The following FABP6 variants were observed in gnomAD, a reference collection of about 807,000 sequenced individuals.
FABP6 encodes gastrotropin.
A neutral mutation model predicts 14.9 loss-of-function variants in FABP6; 13 were observed. The observed-to-expected ratio is 0.87, with a 90% CI of 0.57 to 1.39. FABP6 has a LOEUF of 1.39. Among genes scored for constraint, FABP6 ranks in the 40% most tolerant of loss-of-function variants. The pLI is 0.00. For synonymous variants in FABP6, 75 were observed against 63.6 expected (o/e 1.18, Z -0.85); for missense variants, 161 against 167.2 (o/e 0.96, Z 0.20).
chr5:160,230,163 G>A (rs1220991684), intron 1 of FABP6, among the ~76,000 whole-genome samples: 6 of 151,636 alleles, frequency 4.0e-5, no homozygotes, highest in Non-Finnish European at 7.4e-5. Context: ...AATTACAGGC[G>A]TGAGCTGCCG....
chr5:160,189,322 A>G (rs1580892628), intron 1 of FABP6, among the ~76,000 whole-genome samples: 1 of 151,782 alleles, frequency 6.6e-6, no homozygotes, highest in Non-Finnish European at 1.5e-5. Flanking sequence ...GTTCACTGCA[A>G]CCTCCACTTC....
chr5:160,214,706 C>A (rs2113109722), intron 3 of FABP6, among the ~76,000 whole-genome samples: 1 of 151,832 alleles, frequency 6.6e-6, no homozygotes, highest in East Asian at 2.0e-4. Context: ...GTAATCCCAA[C>A]TCTTTGGGAG....
In FABP6 at chr5:160,199,017, T is replaced by C. The variant is rs866720028; in HGVS notation, c.-58-32T>C. 6 of 1,362,408 alleles carry C rather than the reference T, an allele frequency of 4.4e-6. No homozygotes were observed. In the African/African-American group the frequency reaches 5.7e-5, roughly 13 times the overall value. The allele number at this position is 1,362,408 out of a possible 1,614,324, so 84.4% of individuals were successfully genotyped here. ...ACAATGAGATGGTCTCCAGAGCCCC[T>C]CCCAGCGTGCTGGCTTTTTGTGTCA... On this transcript the variant is annotated intron_variant, in intron 1 of 6. Coordinates refer to the FABP6 transcript ENST00000393980.
chr5:160,193,328 C>A (rs6887142), intron 1 of FABP6, among the ~76,000 whole-genome samples: 1 of 151,808 alleles, frequency 6.6e-6, no homozygotes. Context: ...CAGACTTTCA[C>A]GGTAAGTGTT....
At chr5:160,213,923 G>A (rs1759951027) in intron 3 of FABP6, 5 of 920,130 alleles carry the variant, frequency 5.4e-6, no homozygotes. Context: ...GGCTCCTTGA[G>A]ATCCTTCTGC....
At chr5:160,222,095 C>CTTTTTTTTTTT (rs202190021) in intron 3 of FABP6, among the ~76,000 whole-genome samples, 2 of 130,340 alleles carry the variant, frequency 1.5e-5, no homozygotes, top group Non-Finnish European at 3.2e-5. Flanking sequence ...TTTTTCTTTT[C>CTTTTTTTTTTT]TTTTTTTTTT....
upstream of FABP6, among the ~76,000 whole-genome samples, chr5:160,224,570 G>T (rs1226501645): frequency 2.0e-5 from 3 of 152,134 alleles, no homozygotes; most frequent in Non-Finnish European, 4.4e-5. Flanking sequence ...CCAAAAGCTG[G>T]GTCTCTTGAG....
intron 1 of FABP6, among the ~76,000 whole-genome samples, chr5:160,192,706 A>C (rs1033933447): frequency 2.0e-5 from 3 of 152,224 alleles, no homozygotes; most frequent in Non-Finnish European, 4.4e-5. Context: ...GGGCAGAGAT[A>C]ATGTGCTTGT....
chr5:160,236,323 T>C (rs1051056006), intron 3 of FABP6, among the ~76,000 whole-genome samples: 7 of 152,148 alleles, frequency 4.6e-5, no homozygotes, highest in Middle Eastern at 3.2e-3. Context: ...GCCTTGTGTC[T>C]GTTGTTATGA....
chr5:160,233,531 A>G (rs531489610), intron 2 of FABP6, among the ~76,000 whole-genome samples: 69 of 152,206 alleles, frequency 4.5e-4, no homozygotes, highest in Non-Finnish European at 3.4e-4. Context: ...GTTGCCTGCC[A>G]CATAATGAAT....
At chr5:160,231,908 A>C (rs1760390051) in intron 1 of FABP6, 190 bp from the exon 2 acceptor site, 1 of 581,828 alleles carries the variant, frequency 1.7e-6, no homozygotes, top group Admixed American at 3.2e-5. Context: ...GCTCAGAGAG[A>C]TAGGGACTTT....
At chr5:160,214,318 C>G (rs973384410) in intron 3 of FABP6, among the ~76,000 whole-genome samples, 1 of 151,516 alleles carries the variant, frequency 6.6e-6, no homozygotes. Flanking sequence ...CACGTGCCAC[C>G]ATGCCTGGTT....
upstream of FABP6, chr5:160,228,744 C>T (rs1760305625): frequency 2.9e-6 from 1 of 345,538 alleles, no homozygotes; most frequent in South Asian, 2.2e-5. Context: ...GCATTATCTG[C>T]ACCCTTAGGA....
chr5:160,187,967 G>T (rs917880699), intron 1 of FABP6, among the ~76,000 whole-genome samples: 2 of 152,064 alleles, frequency 1.3e-5, no homozygotes, highest in Non-Finnish European at 2.9e-5. Flanking sequence ...GGTCAGGCTG[G>T]TCTAGAACTC....
chr5:160,219,272 G>A (rs1760081708), intron 3 of FABP6, among the ~76,000 whole-genome samples: 1 of 152,190 alleles, frequency 6.6e-6, no homozygotes, highest in African/African-American at 2.4e-5. Context: ...CCTTCTCCAG[G>A]CATTACTCTG....
intron 2 of FABP6, among the ~76,000 whole-genome samples, chr5:160,202,908 C>CT (rs199674913): frequency 3.7e-4 from 54 of 147,768 alleles, no homozygotes; most frequent in Middle Eastern, 3.5e-3. Flanking sequence ...AGAAGCTGGG[C>CT]TTTTTTTTTT....
At chr5:160,214,577 G>A (rs1307031216) in intron 3 of FABP6, among the ~76,000 whole-genome samples, 9 of 150,554 alleles carry the variant, frequency 6.0e-5, no homozygotes, top group African/African-American at 2.2e-4. Flanking sequence ...GCCACCCAAT[G>A]TGGCTGGCAT....
rs773006592 is a variant in FABP6, at chr5:160,232,136, A to T, written c.106A>T (p.Lys36Ter). Residue 36 changes from lysine (K) to a stop codon, truncating the protein, a stop_gained, in exon 2 of 4, where the codon AAG becomes TAG. Transcript: ENST00000402432. LOFTEE classifies it high-confidence loss of function. ...TGTAATCGAAAAGGCCCGCAACTTC[A>T]AGATCGTCACGGAGGTGCAGCAGGA... ...SDVIEKARNFKIVTEVQQDGQ... is the reference protein window; with the variant it reads ...SDVIEKARNF 3.1e-6 allele frequency: 5 copies of T among 1,614,014 alleles called. No individual in the cohort carries two copies.
rs1053559830 is a variant in FABP6 at position 160,220,357 on chromosome 5, C to G, written c.135+6538C>G. 2.0e-5 allele frequency among the ~76,000 whole-genome samples: 3 copies of G among 152,252 alleles called. No homozygotes were observed. The East Asian group carries it at 5.8e-4, about 29-fold the overall frequency. On this transcript the variant is annotated intron_variant, in intron 3 of 6. Coordinates refer to the FABP6 transcript ENST00000393980. ...CCAGGTGATGGCTCACACCTGTAAT[C>G]CCAGGACTTTGGGAGGCCAAGGCAG...
Sources: allele counts gnomAD v4.1 joint callset (sites outside exome capture counted in the v4.1 genomes callset), GRCh38; gene constraint gnomAD v4.1.1; transcripts MANE v1.5; gene names NCBI Gene and HGNC (gene_info 2026-07-23, HGNC 2026-07-21).